NR3C2: variants seen among roughly 807,000 people sequenced by gnomAD.
NR3C2 encodes mineralocorticoid receptor.
NR3C2 carries 15 observed loss-of-function variants against 86.4 expected under a neutral mutation model. That is an observed-to-expected ratio of 0.17 (90% confidence interval 0.12 to 0.27). The LOEUF is 0.27. Among genes scored for constraint, NR3C2 ranks in the 10% least tolerant of loss-of-function variants. The pLI is 1.00. For synonymous variants in NR3C2, 458 were observed against 450.5 expected (o/e 1.02, Z -0.21); for missense variants, 960 against 1,195.6 (o/e 0.80, Z 2.91).
chr4:148,444,045 C>A (rs1044918636), upstream of NR3C2: 8 of 985,400 alleles, frequency 8.1e-6, no homozygotes, highest in Non-Finnish European at 9.6e-6. Context: ...TCCCAACTTT[C>A]CCGCGGGGCC....
At chr4:148,184,096 T>G (rs1019863305) in intron 4 of NR3C2, among the ~76,000 whole-genome samples, 10 of 151,952 alleles carry the variant, frequency 6.6e-5, no homozygotes, top group Non-Finnish European at 1.3e-4. Context: ...GTGCAGACAT[T>G]AAGAAATCCT....
At chr4:148,205,372 G>C (rs1437153981) in intron 3 of NR3C2, among the ~76,000 whole-genome samples, 2 of 152,116 alleles carry the variant, frequency 1.3e-5, no homozygotes, top group Non-Finnish European at 2.9e-5. Context: ...TAGGACATCT[G>C]GTGAAAAGGC....
chr4:148,201,523 GC>G (rs1265298724), intron 3 of NR3C2, among the ~76,000 whole-genome samples: 2 of 152,130 alleles, frequency 1.3e-5, no homozygotes, highest in East Asian at 3.8e-4. Flanking sequence ...TTGGTCCTTT[GC>G]CTGCTTGTAT....
At chr4:148,160,650 A>G (rs1039447410) in intron 4 of NR3C2, among the ~76,000 whole-genome samples, 1 of 152,176 alleles carries the variant, frequency 6.6e-6, no homozygotes, top group African/African-American at 2.4e-5. Flanking sequence ...GCTTCATGCC[A>G]TGTCTCGAAA....
chr4:148,181,035 C>T (rs1735620833), intron 4 of NR3C2, among the ~76,000 whole-genome samples: 1 of 152,046 alleles, frequency 6.6e-6, no homozygotes, highest in South Asian at 2.1e-4. Flanking sequence ...GTGACGTGTC[C>T]CACTCTAGGA....
At chr4:148,347,503 T>C (rs1745053160) in intron 2 of NR3C2, among the ~76,000 whole-genome samples, 1 of 152,088 alleles carries the variant, frequency 6.6e-6, no homozygotes, top group African/African-American at 2.4e-5. Flanking sequence ...TTCTTCAAAT[T>C]CTAAAATTAT....
chr4:148,259,953 A>G, intron 3 of NR3C2, 25 bp downstream of exon 3: 1 of 1,613,974 alleles, frequency 6.2e-7, no homozygotes, highest in Non-Finnish European at 8.5e-7. Flanking sequence ...AAATATGTAA[A>G]AGGAACACCC....
intron 3 of NR3C2, among the ~76,000 whole-genome samples, chr4:148,234,161 G>A (rs977850782): frequency 1.3e-5 from 2 of 152,182 alleles, no homozygotes; most frequent in African/African-American, 4.8e-5. Flanking sequence ...TTTCTGTCAT[G>A]CTAAGCATCC....
At chr4:148,383,734 G>C (rs985067143) in intron 2 of NR3C2, among the ~76,000 whole-genome samples, 6 of 152,062 alleles carry the variant, frequency 3.9e-5, no homozygotes, top group African/African-American at 1.2e-4. Flanking sequence ...TGGATCATGA[G>C]GTCAGGAGTT....
At chr4:148,180,734 A>T (rs1452149365) in intron 4 of NR3C2, among the ~76,000 whole-genome samples, 3 of 152,124 alleles carry the variant, frequency 2.0e-5, no homozygotes, top group Admixed American at 2.0e-4. Context: ...TTGTATTATT[A>T]GTTTCTTTTT....
intron 8 of NR3C2, among the ~76,000 whole-genome samples, chr4:148,092,046 G>A (rs79094880): frequency 8.0e-4 from 122 of 152,272 alleles, no homozygotes; most frequent in Non-Finnish European, 1.5e-3. Context: ...GAATGACTGT[G>A]GGCACAGCTC....
intron 2 of NR3C2, among the ~76,000 whole-genome samples, chr4:148,419,107 C>A (rs199926712): frequency 1.6e-5 from 2 of 126,946 alleles, no homozygotes; most frequent in Non-Finnish European, 3.5e-5. Context: ...TTTTTTTTTT[C>A]TTTTTGTCTG....
intron 2 of NR3C2, among the ~76,000 whole-genome samples, chr4:148,344,150 C>T (rs1744882192): frequency 6.6e-6 from 1 of 152,150 alleles, no homozygotes; most frequent in African/African-American, 2.4e-5. Context: ...AGAGAAACTT[C>T]TACCCACTTT....
chr4:148,300,588 A>ATTT (rs1230657445), intron 2 of NR3C2, among the ~76,000 whole-genome samples: 2,119 of 127,750 alleles, frequency 0.017, 69 homozygotes, highest in Non-Finnish European at 0.019. Context: ...CTTGCTACTC[A>ATTT]TTTTTTTTTT....
chr4:148,270,076 CA>C (rs1426298748), intron 2 of NR3C2, among the ~76,000 whole-genome samples: 22 of 65,746 alleles, frequency 3.3e-4, no homozygotes, highest in Non-Finnish European at 5.3e-4. Flanking sequence ...CTGATTTCAG[CA>C]TTTTTTTTTT....
intron 2 of NR3C2, among the ~76,000 whole-genome samples, chr4:148,327,077 G>C (rs974906676): frequency 6.6e-6 from 1 of 152,124 alleles, no homozygotes; most frequent in African/African-American, 2.4e-5. Context: ...ATCTACGTAA[G>C]TACACGTTAC....
intron 8 of NR3C2, among the ~76,000 whole-genome samples, chr4:148,100,173 C>G (rs543063162): frequency 6.6e-6 from 1 of 152,208 alleles, no homozygotes; most frequent in African/African-American, 2.4e-5. Flanking sequence ...GATCAAACAC[C>G]GCTTTTAATT....
At position 148,079,812 on chromosome 4, in the gene NR3C2, T is replaced by G. The variant is rs780372987; in HGVS notation, c.*1532A>C. On this transcript the variant is annotated 3_prime_UTR_variant, in exon 9 of 9. Coordinates refer to ENST00000358102, the MANE Select transcript of NR3C2 (RefSeq NM_000901.5). The stretch of plus-strand genomic sequence containing the variant: ...AATCTAAAACCCCTCTATCTCCCGG[T>G]CTCCATGCCATTCAGACTGAACCTT... 6.6e-6 allele frequency: 1 copy of G among 152,488 alleles called. No homozygotes were observed. Among genetic ancestry groups the G allele is most frequent in the African/African-American group, 2.4e-5 (1 of 41,334 alleles). 9.4% of individuals were successfully genotyped at this position (152,488 alleles called of 1,614,324 possible). A position where few individuals can be genotyped will look rare whatever the true frequency, so the allele number is the denominator to read the frequency against.
intron 2 of NR3C2, among the ~76,000 whole-genome samples, chr4:148,347,935 C>T (rs1388915064): frequency 6.6e-6 from 1 of 152,170 alleles, no homozygotes; most frequent in South Asian, 2.1e-4. Flanking sequence ...TACAATAGGC[C>T]ACCCCTGTTT....
Sources: allele counts gnomAD v4.1 joint callset (sites outside exome capture counted in the v4.1 genomes callset), GRCh38; gene constraint gnomAD v4.1.1; transcripts MANE v1.5; gene names NCBI Gene and HGNC (gene_info 2026-07-23, HGNC 2026-07-21).